CSMD1: variants seen among roughly 807,000 people sequenced by gnomAD.
CSMD1 encodes the protein CUB and sushi domain-containing protein 1.
Under a neutral mutation model 417.5 loss-of-function variants are expected in CSMD1, and 213 were observed. The ratio of observed to expected loss-of-function variants is 0.51; its 90% CI spans 0.46 to 0.57. The LOEUF (loss-of-function observed/expected upper bound fraction) is 0.57, where lower values mean the gene tolerates loss of function less well. CSMD1 is among the 20% of genes least tolerant of loss of function. The pLI is 0.00. For missense variants in CSMD1, 6,923 were observed against 4,529.7 expected, an observed-to-expected ratio of 1.53 and a Z score of -15.17; for synonymous variants, 2,862 against 1,736.8, an observed-to-expected ratio of 1.65 and a Z score of -16.11.
chr8:4,079,373 T>G (rs935656621), intron 3 of CSMD1, among the ~76,000 whole-genome samples: 3 of 152,172 alleles, frequency 2.0e-5, no homozygotes, highest in South Asian at 2.1e-4. Context: ...TAATCTGTAA[T>G]CAGGCATTCT....
At chr8:3,473,837 G>A (rs888349362) in intron 11 of CSMD1, among the ~76,000 whole-genome samples, 4 of 152,142 alleles carry the variant, frequency 2.6e-5, no homozygotes, top group South Asian at 2.1e-4. Context: ...AGATTTAACT[G>A]ACTCGTATTT....
intron 3 of CSMD1, among the ~76,000 whole-genome samples, chr8:4,292,641 T>G (rs774466103): frequency 3.3e-5 from 5 of 152,190 alleles, no homozygotes; most frequent in Non-Finnish European, 5.9e-5. Flanking sequence ...TGCCTCAGTC[T>G]TGCATCATCA....
chr8:3,623,746 C>A (rs1415651729), intron 7 of CSMD1, among the ~76,000 whole-genome samples: 1 of 152,070 alleles, frequency 6.6e-6, no homozygotes, highest in African/African-American at 2.4e-5. Context: ...GAGGCCAAGG[C>A]AGGCAGATCA....
chr8:4,052,246 G>A (rs1032217590), intron 3 of CSMD1, among the ~76,000 whole-genome samples: 3 of 152,170 alleles, frequency 2.0e-5, no homozygotes, highest in African/African-American at 4.8e-5. Flanking sequence ...ATTTCTGAGA[G>A]GGTGGGAGTC....
chr8:4,350,578 T>C (rs1439033192), intron 3 of CSMD1, among the ~76,000 whole-genome samples: 1 of 152,102 alleles, frequency 6.6e-6, no homozygotes, highest in Non-Finnish European at 1.5e-5. Flanking sequence ...CAATTAACAC[T>C]TCCACGCTTA....
intron 49 of CSMD1, among the ~76,000 whole-genome samples, chr8:3,063,939 C>T (rs1003265045): frequency 1.3e-5 from 2 of 152,176 alleles, no homozygotes; most frequent in Non-Finnish European, 2.9e-5. Context: ...CTTAACACCA[C>T]TGAACTGTAC....
chr8:3,410,062 G>A (rs890352186), intron 12 of CSMD1, among the ~76,000 whole-genome samples: 6 of 152,176 alleles, frequency 3.9e-5, no homozygotes, highest in African/African-American at 1.2e-4. Flanking sequence ...TAAAATGAAT[G>A]TTAACACTCA....
intron 3 of CSMD1, among the ~76,000 whole-genome samples, chr8:4,407,851 T>G (rs1796409934): frequency 1.3e-5 from 2 of 152,064 alleles, no homozygotes; most frequent in Admixed American, 6.6e-5. Flanking sequence ...AAATGAAAAA[T>G]CAGATGTGGA....
intron 3 of CSMD1, among the ~76,000 whole-genome samples, chr8:4,221,128 G>C (rs1487841596): frequency 6.6e-6 from 1 of 152,148 alleles, no homozygotes; most frequent in Non-Finnish European, 1.5e-5. Flanking sequence ...ACAGAGAATA[G>C]AAATGTAAAG....
intron 3 of CSMD1, among the ~76,000 whole-genome samples, chr8:4,060,203 T>C (rs965852540): frequency 6.7e-6 from 1 of 148,554 alleles, no homozygotes; most frequent in African/African-American, 2.5e-5. Flanking sequence ...CACATGATTA[T>C]TTCAATAGAT....
At chr8:4,102,352 T>A in intron 3 of CSMD1, among the ~76,000 whole-genome samples, 1 of 152,228 alleles carries the variant, frequency 6.6e-6, no homozygotes, top group East Asian at 1.9e-4. Context: ...TTGCTTTGTT[T>A]TTCCTTGCAA....
intron 23 of CSMD1, among the ~76,000 whole-genome samples, chr8:3,337,031 CTT>C (rs1483425563): frequency 1.1e-4 from 17 of 152,072 alleles, no homozygotes; most frequent in Non-Finnish European, 2.1e-4. Flanking sequence ...TGAACTGTAA[CTT>C]TCTGGGGAGG....
intron 1 of CSMD1, among the ~76,000 whole-genome samples, chr8:4,802,357 G>C (rs1276856684): frequency 6.9e-6 from 1 of 145,352 alleles, no homozygotes; most frequent in Non-Finnish European, 1.6e-5. Flanking sequence ...GCGCGCGTGT[G>C]TGTGTGTGTG....
At chr8:4,162,940 T>A (rs1266105692) in intron 3 of CSMD1, among the ~76,000 whole-genome samples, 1 of 152,208 alleles carries the variant, frequency 6.6e-6, no homozygotes, top group African/African-American at 2.4e-5. Context: ...TTTTACTGTC[T>A]CTACAGTTCT....
chr8:3,758,361 C>A (rs897872738), intron 5 of CSMD1, among the ~76,000 whole-genome samples: 1 of 152,168 alleles, frequency 6.6e-6, no homozygotes, highest in Non-Finnish European at 1.5e-5. Context: ...AATTGTACCC[C>A]GAAGTCGATT....
At chr8:3,853,669 G>A (rs1035248152) in intron 5 of CSMD1, among the ~76,000 whole-genome samples, 3 of 151,950 alleles carry the variant, frequency 2.0e-5, no homozygotes, top group Non-Finnish European at 4.4e-5. Context: ...CTTCCCTAGT[G>A]TAGAAGGTGG....
chr8:4,111,110 A>C (rs1019156052), intron 3 of CSMD1, among the ~76,000 whole-genome samples: 18 of 150,442 alleles, frequency 1.2e-4, no homozygotes, highest in African/African-American at 4.3e-4. Flanking sequence ...TTCCTTCTAC[A>C]AAGTTTTGTT....
intron 7 of CSMD1, among the ~76,000 whole-genome samples, chr8:3,647,571 G>T (rs570599781): frequency 5.9e-5 from 9 of 152,130 alleles, no homozygotes; most frequent in Admixed American, 4.6e-4. Context: ...GAGAAATACG[G>T]CATAAAGAAA....
intron 2 of CSMD1, among the ~76,000 whole-genome samples, chr8:4,474,538 T>C (rs968886844): frequency 6.6e-6 from 1 of 152,180 alleles, no homozygotes; most frequent in African/African-American, 2.4e-5. Flanking sequence ...GCAGATGTCA[T>C]GGGGTTTAGC....
Sources: allele counts gnomAD v4.1 joint callset (sites outside exome capture counted in the v4.1 genomes callset), GRCh38; gene constraint gnomAD v4.1.1; transcripts MANE v1.5; gene names NCBI Gene and HGNC (gene_info 2026-07-23, HGNC 2026-07-21).